Variants in CDH12 observed in about 807,000 individuals in gnomAD.
The protein encoded by CDH12 is cadherin 12.
In CDH12, 41 loss-of-function variants were observed where a neutral mutation model predicts 74.1. The observed-to-expected ratio is 0.55, with a 90% CI of 0.43 to 0.72. The LOEUF (loss-of-function observed/expected upper bound fraction) is 0.72, where lower values mean the gene tolerates loss of function less well. Among genes scored for constraint, CDH12 ranks in the 30% least tolerant of loss-of-function variants. CDH12 has a pLI of 0.00. For missense variants in CDH12, 945 were observed against 977.2 expected, an observed-to-expected ratio of 0.97 and a Z score of 0.44; for synonymous variants, 399 against 355.0, an observed-to-expected ratio of 1.12 and a Z score of -1.39.
At chr5:22,379,288 G>C (rs1450527856) in intron 3 of CDH12, among the ~76,000 whole-genome samples, 1 of 152,056 alleles carries the variant, frequency 6.6e-6, no homozygotes, top group Non-Finnish European at 1.5e-5. Context: ...CTGTGTACTG[G>C]GAAGAAAGGA....
At chr5:22,724,562 T>G (rs1186404509) in intron 1 of CDH12, among the ~76,000 whole-genome samples, 1 of 151,984 alleles carries the variant, frequency 6.6e-6, no homozygotes, top group Non-Finnish European at 1.5e-5. Context: ...AAGACATTAT[T>G]TCATTCATTT....
At chr5:22,339,756 T>C (rs1012797954) in intron 3 of CDH12, among the ~76,000 whole-genome samples, 15 of 152,306 alleles carry the variant, frequency 9.8e-5, no homozygotes, top group African/African-American at 3.1e-4. Flanking sequence ...AGCAGGTCTT[T>C]GAAAAACAGG....
At chr5:22,043,534 G>A (rs1047641869) in intron 5 of CDH12, among the ~76,000 whole-genome samples, 1 of 151,980 alleles carries the variant, frequency 6.6e-6, no homozygotes, top group Non-Finnish European at 1.5e-5. Flanking sequence ...TATGAAACAA[G>A]ACAGAGATGC....
intron 11 of CDH12, among the ~76,000 whole-genome samples, chr5:21,780,389 T>C (rs1745837812): frequency 6.6e-6 from 1 of 152,310 alleles, no homozygotes; most frequent in East Asian, 1.9e-4. Context: ...CTAGACCTTA[T>C]CGTTATGAGT....
At chr5:21,887,694 A>G (rs1040148399) in intron 6 of CDH12, among the ~76,000 whole-genome samples, 1 of 152,174 alleles carries the variant, frequency 6.6e-6, no homozygotes, top group African/African-American at 2.4e-5. Flanking sequence ...GTAGCCCTCC[A>G]GGTCCTTCAT....
At chr5:22,597,071 A>G (rs1246620240) in intron 1 of CDH12, among the ~76,000 whole-genome samples, 1 of 152,186 alleles carries the variant, frequency 6.6e-6, no homozygotes, top group African/African-American at 2.4e-5. Context: ...TTTAAACAAA[A>G]GAAAATAAAA....
intron 4 of CDH12, among the ~76,000 whole-genome samples, chr5:22,109,818 A>G (rs2150259089): frequency 6.6e-6 from 1 of 152,308 alleles, no homozygotes; most frequent in South Asian, 2.1e-4. Context: ...GAAAAATTCA[A>G]TTGACATAAG....
chr5:21,802,496 G>T, intron 9 of CDH12, 76 bp from the exon 10 acceptor site: 1 of 1,247,212 alleles, frequency 8.0e-7, no homozygotes, highest in Non-Finnish European at 1.1e-6. Flanking sequence ...TTACTTCAGA[G>T]CAATTTGCAA....
intron 1 of CDH12, among the ~76,000 whole-genome samples, chr5:22,728,322 G>GA (rs1304748530): frequency 6.6e-6 from 1 of 151,632 alleles, no homozygotes; most frequent in Admixed American, 6.6e-5. Flanking sequence ...AACTTCTCTT[G>GA]AGTAGATGAG....
intron 1 of CDH12, among the ~76,000 whole-genome samples, chr5:22,568,347 G>C (rs1739386762): frequency 6.6e-6 from 1 of 152,056 alleles, no homozygotes; most frequent in Non-Finnish European, 1.5e-5. Flanking sequence ...AGCATGTTGG[G>C]GTTGATATAT....
At chr5:22,344,305 A>G (rs1426740309) in intron 3 of CDH12, among the ~76,000 whole-genome samples, 2 of 152,204 alleles carry the variant, frequency 1.3e-5, no homozygotes, top group African/African-American at 4.8e-5. Context: ...TATTTTATAT[A>G]CTTTAGAAAA....
chr5:21,811,747 T>C (rs1360848777), intron 9 of CDH12, among the ~76,000 whole-genome samples: 3 of 143,658 alleles, frequency 2.1e-5, no homozygotes, highest in African/African-American at 7.6e-5. Flanking sequence ...AGTGGTAGGA[T>C]GTGAGGGTGG....
At chr5:22,171,116 C>T (rs1261485290) in intron 4 of CDH12, among the ~76,000 whole-genome samples, 1 of 151,808 alleles carries the variant, frequency 6.6e-6, no homozygotes, top group Non-Finnish European at 1.5e-5. Flanking sequence ...CTTGCATGGT[C>T]CACTGAACAG....
intron 2 of CDH12, among the ~76,000 whole-genome samples, chr5:22,441,305 G>A (rs1255513905): frequency 6.6e-6 from 1 of 152,098 alleles, no homozygotes; most frequent in African/African-American, 2.4e-5. Context: ...TGGAAAGCTG[G>A]TTTTAAAACC....
chr5:22,715,529 A>C (rs1243901599), intron 1 of CDH12, among the ~76,000 whole-genome samples: 1 of 152,164 alleles, frequency 6.6e-6, no homozygotes, highest in African/African-American at 2.4e-5. Flanking sequence ...AAAATGGAGC[A>C]CAATAGCAAA....
At chr5:22,603,602 T>G (rs940923917) in intron 1 of CDH12, among the ~76,000 whole-genome samples, 8 of 151,976 alleles carry the variant, frequency 5.3e-5, no homozygotes, top group Admixed American at 6.6e-5. Flanking sequence ...GATAGGCAAG[T>G]GTGGTTACTC....
chr5:21,862,592 A>G (rs1012301823), intron 6 of CDH12, among the ~76,000 whole-genome samples: 1 of 152,128 alleles, frequency 6.6e-6, no homozygotes, highest in Non-Finnish European at 1.5e-5. Context: ...TTTGTATACT[A>G]TGCACCAGAT....
chr5:22,817,881 T>C (rs1228145584), intron 1 of CDH12, among the ~76,000 whole-genome samples: 3 of 152,194 alleles, frequency 2.0e-5, no homozygotes, highest in African/African-American at 7.2e-5. Flanking sequence ...TCTCAAATTT[T>C]TGGATTGTTC....
intron 1 of CDH12, among the ~76,000 whole-genome samples, chr5:22,634,953 A>G (rs1467385014): frequency 6.6e-6 from 1 of 150,646 alleles, no homozygotes; most frequent in African/African-American, 2.4e-5. Flanking sequence ...ATTTAACACA[A>G]TCTCTACCAA....
Sources: gnomAD v4.1 joint callset for allele counts (sites outside exome capture counted in the v4.1 genomes callset) on GRCh38, gnomAD v4.1.1 for gene constraint, MANE v1.5 for transcripts, NCBI Gene and HGNC (gene_info 2026-07-23, HGNC 2026-07-21) for gene names.